SHISA9: variants seen among roughly 807,000 people sequenced by gnomAD.
SHISA9 encodes shisa family member 9.
In SHISA9, 13 loss-of-function variants were observed where a neutral mutation model predicts 38.0. The ratio of observed to expected loss-of-function variants is 0.34; its 90% CI spans 0.22 to 0.54. The LOEUF (loss-of-function observed/expected upper bound fraction) is 0.54. Ranked by LOEUF, SHISA9 falls within the 20% of genes least tolerant of loss-of-function variation. The pLI, the probability that SHISA9 is intolerant of heterozygous loss-of-function variation, is 0.91. For missense variants in SHISA9, 538 were observed against 575.8 expected, an observed-to-expected ratio of 0.93 and a Z score of 0.67; for synonymous variants, 275 against 242.0, an observed-to-expected ratio of 1.14 and a Z score of -1.27.
At chr16:13,146,965 A>C (rs918168156) in intron 2 of SHISA9, among the ~76,000 whole-genome samples, 2 of 152,214 alleles carry the variant, frequency 1.3e-5, no homozygotes, top group Non-Finnish European at 2.9e-5. Context: ...CTAGAGCCTA[A>C]ATGATCCACT....
At chr16:13,490,689 T>C in the SHISA9 span, among the ~76,000 whole-genome samples, 2 of 152,196 alleles carry the variant, frequency 1.3e-5, no homozygotes, top group Non-Finnish European at 2.9e-5. Context: ...GTGCAATGTA[T>C]GTATTGATCC....
chr16:13,504,144 GA>G, the SHISA9 span, among the ~76,000 whole-genome samples: 1 of 152,238 alleles, frequency 6.6e-6, no homozygotes, highest in Non-Finnish European at 1.5e-5. Context: ...TTAGTTTCCT[GA>G]TTTGTAAATC....
the SHISA9 span, among the ~76,000 whole-genome samples, chr16:13,334,321 T>G: frequency 6.6e-6 from 1 of 152,224 alleles, no homozygotes; most frequent in Non-Finnish European, 1.5e-5. Flanking sequence ...GCTGTCCTCA[T>G]GAACACATGT....
intron 2 of SHISA9, among the ~76,000 whole-genome samples, chr16:13,043,649 C>G (rs372370513): frequency 6.6e-6 from 1 of 152,236 alleles, no homozygotes; most frequent in Admixed American, 6.5e-5. Flanking sequence ...AACTCACTGT[C>G]CTGATATCCT....
chr16:12,988,269 C>T (rs1392510094), intron 2 of SHISA9, among the ~76,000 whole-genome samples: 2 of 152,176 alleles, frequency 1.3e-5, no homozygotes, highest in Non-Finnish European at 2.9e-5. Flanking sequence ...GTTGACACGT[C>T]AATACGCTTG....
chr16:13,302,706 ATTCATGC>A, the SHISA9 span, among the ~76,000 whole-genome samples: 5 of 152,160 alleles, frequency 3.3e-5, no homozygotes, highest in Non-Finnish European at 7.4e-5. Flanking sequence ...GGTAGTCTTC[ATTCATGC>A]GAGTACGACT....
chr16:13,534,494 G>A, the SHISA9 span, among the ~76,000 whole-genome samples: 1 of 152,202 alleles, frequency 6.6e-6, no homozygotes, highest in African/African-American at 2.4e-5. Context: ...CAAAGTGCTG[G>A]GATTACAGGT....
intron 1 of SHISA9, among the ~76,000 whole-genome samples, chr16:12,914,981 C>A (rs1203969644): frequency 6.6e-6 from 1 of 152,212 alleles, no homozygotes; most frequent in African/African-American, 2.4e-5. Context: ...GCTGGGCCTG[C>A]TGAATTCATG....
the SHISA9 span, among the ~76,000 whole-genome samples, chr16:13,546,622 C>T: frequency 6.6e-6 from 1 of 152,104 alleles, no homozygotes; most frequent in Non-Finnish European, 1.5e-5. Context: ...TCCTGATGCC[C>T]TGAAGATTAG....
intron 2 of SHISA9, among the ~76,000 whole-genome samples, chr16:13,141,592 G>A (rs1174152730): frequency 6.6e-6 from 1 of 151,988 alleles, no homozygotes; most frequent in Non-Finnish European, 1.5e-5. Flanking sequence ...GCTGAGTCAC[G>A]AGAATCGCTG....
intron 2 of SHISA9, among the ~76,000 whole-genome samples, chr16:13,052,897 T>C (rs1404095551): frequency 6.6e-6 from 1 of 151,996 alleles, no homozygotes; most frequent in Non-Finnish European, 1.5e-5. Context: ...TTAAGTTAAT[T>C]ACTCAAGTTG....
intron 2 of SHISA9, among the ~76,000 whole-genome samples, chr16:12,996,591 T>C (rs139598945): frequency 2.6e-4 from 40 of 152,244 alleles, no homozygotes; most frequent in African/African-American, 9.1e-4. Context: ...TTGTGCAGTG[T>C]TCAACTGTGC....
the SHISA9 span, among the ~76,000 whole-genome samples, chr16:13,420,660 G>A: frequency 6.8e-3 from 1,036 of 152,222 alleles, 13 homozygotes; most frequent in African/African-American, 0.024. Flanking sequence ...AATTCATTAT[G>A]GCTGAGGCAG....
At chr16:13,363,540 T>A in the SHISA9 span, among the ~76,000 whole-genome samples, 1 of 152,040 alleles carries the variant, frequency 6.6e-6, no homozygotes. Flanking sequence ...AGTAGGGAAG[T>A]GTATTCTGGA....
At chr16:13,378,667 G>A in the SHISA9 span, among the ~76,000 whole-genome samples, 5 of 152,226 alleles carry the variant, frequency 3.3e-5, no homozygotes, top group African/African-American at 1.2e-4. Context: ...TCCTCTTCTA[G>A]GTGCTGAGCA....
chr16:13,141,319 G>A (rs2050399817), intron 2 of SHISA9, among the ~76,000 whole-genome samples: 2 of 151,940 alleles, frequency 1.3e-5, no homozygotes, highest in South Asian at 4.2e-4. Context: ...ATGAGCTGAG[G>A]AATAGCTTGA....
the SHISA9 span, among the ~76,000 whole-genome samples, chr16:13,361,935 G>A: frequency 6.6e-6 from 1 of 152,116 alleles, no homozygotes; most frequent in Non-Finnish European, 1.5e-5. Context: ...TTAAAAAGAG[G>A]TAAAGAATTA....
At chr16:13,469,661 C>T in the SHISA9 span, among the ~76,000 whole-genome samples, 117 of 152,324 alleles carry the variant, frequency 7.7e-4, no homozygotes, top group African/African-American at 2.5e-3. Flanking sequence ...CACTCATTCC[C>T]TCACATCCCA....
chr16:13,028,909 G>T (rs1392956), intron 2 of SHISA9, among the ~76,000 whole-genome samples: 88,348 of 151,848 alleles, frequency 0.58, 26,669 homozygotes, highest in Middle Eastern at 0.73. Flanking sequence ...ACTACATGGA[G>T]TGTGAGTGGG....
Sources: allele counts gnomAD v4.1 joint callset (sites outside exome capture counted in the v4.1 genomes callset), GRCh38; gene constraint gnomAD v4.1.1; transcripts MANE v1.5; gene names NCBI Gene and HGNC (gene_info 2026-07-23, HGNC 2026-07-21).